FBXO7: variants seen among roughly 807,000 people sequenced by gnomAD.
The protein encoded by FBXO7 is F-box protein 7, also known as F-box only protein 7.
A neutral mutation model predicts 50.2 loss-of-function variants in FBXO7; 31 were observed. That is an observed-to-expected ratio of 0.62 (90% CI 0.46 to 0.83). FBXO7 has a LOEUF of 0.83. Among genes scored for constraint, FBXO7 ranks in the 40% least tolerant of loss-of-function variants. FBXO7 has a pLI of 0.00. For missense variants in FBXO7, 667 were observed against 646.6 expected (o/e 1.03, Z -0.34); for synonymous variants, 256 against 253.1 (o/e 1.01, Z -0.11).
chr22:32,498,816 A>C lies in FBXO7; in HGVS notation c.*286A>C. ...TGATGCTGTTCTTACCAGATTAAAA[A>C]AAAGTGTAAATTACATGGTGGTCTT... On this transcript the variant is annotated 3_prime_UTR_variant, in exon 9 of 9. Coordinates refer to ENST00000266087, the MANE Select transcript of FBXO7 (RefSeq NM_012179.4). 1 of 453,318 alleles carries C rather than the reference A, an allele frequency of 2.2e-6. No individual in the cohort carries two copies. 28.1% of individuals were successfully genotyped at this position (453,318 alleles called of 1,614,324 possible).
intron 5 of FBXO7, 161 bp from the exon 6 acceptor site, chr22:32,490,925 A>C: frequency 1.7e-6 from 1 of 591,882 alleles, no homozygotes; most frequent in Non-Finnish European, 3.0e-6. Context: ...AGTTTCATCA[A>C]GTCTTGCACT....
At chr22:32,475,254 C>G (rs993100587) in intron 1 of FBXO7, 130 bp downstream of exon 1, 38 of 1,547,786 alleles carry the variant, frequency 2.5e-5, no homozygotes, top group Middle Eastern at 2.3e-4. Context: ...TGCGGGGACG[C>G]CGGGGGGGCC....
chr22:32,495,659 G>T, intron 8 of FBXO7, 129 bp downstream of exon 8: 1 of 452,534 alleles, frequency 2.2e-6, no homozygotes, highest in South Asian at 5.9e-5. Context: ...CTAAATTTCA[G>T]TAAATGAAAA....
intron 8 of FBXO7, 127 bp from the exon 9 acceptor site, chr22:32,498,017 T>TA: frequency 9.4e-7 from 1 of 1,067,206 alleles, no homozygotes; most frequent in Non-Finnish European, 1.4e-6. Flanking sequence ...TGCATTGGTT[T>TA]GGGACTAAAT....
chr22:32,484,184 T>G (rs781083417), intron 3 of FBXO7, 60 bp downstream of exon 3: 1 of 1,448,752 alleles, frequency 6.9e-7, no homozygotes, highest in Non-Finnish European at 9.7e-7. Context: ...GGATGGTTCC[T>G]GCTCTCAAGT....
intron 2 of FBXO7, among the ~76,000 whole-genome samples, chr22:32,482,257 T>C (rs5754110): frequency 0.33 from 49,873 of 152,060 alleles, 8,672 homozygotes; most frequent in East Asian, 0.61. Flanking sequence ...TCATTGGCCT[T>C]TAGGTTTTAA....
chr22:32,481,153 T>C (rs1375106861), intron 2 of FBXO7, among the ~76,000 whole-genome samples: 6 of 152,148 alleles, frequency 3.9e-5, no homozygotes, highest in Non-Finnish European at 8.8e-5. Flanking sequence ...TATAGACATA[T>C]TAAAAAATAC....
Position 32,474,839 on chromosome 22 carries a change from C to A in FBXO7, c.-164C>A. ...CTATTCCAGAGACCGAGTGGCAGGG[C>A]GGCCACTGTGGCGGGGCTCTTTCCC... On this transcript the variant is annotated 5_prime_UTR_variant, in exon 1 of 9. Coordinates refer to ENST00000266087, the MANE Select transcript of FBXO7 (RefSeq NM_012179.4). 1 of 672,444 alleles carries A rather than the reference C, an allele frequency of 1.5e-6. No homozygotes were observed. The highest frequency in any genetic ancestry group is 2.4e-6 in the Non-Finnish European group (1 of 416,428). 41.7% of individuals were successfully genotyped at this position (672,444 alleles called of 1,614,324 possible). A position where few individuals can be genotyped will look rare whatever the true frequency, so the allele number is the denominator to read the frequency against.
chr22:32,486,035 C>T (rs2057496368), intron 4 of FBXO7, among the ~76,000 whole-genome samples: 1 of 152,018 alleles, frequency 6.6e-6, no homozygotes, highest in African/African-American at 2.4e-5. Flanking sequence ...TCATCTTTTT[C>T]GTTTAGCAAA....
intron 1 of FBXO7, chr22:32,475,434 C>G (rs2057421444): frequency 6.2e-7 from 1 of 1,607,848 alleles, no homozygotes; most frequent in African/African-American, 1.3e-5. Flanking sequence ...GTAAACGGAA[C>G]CAGGGAGAGG....
At position 32,485,151 on chromosome 22, in the gene FBXO7, C is replaced by T. The variant is rs750785708; in HGVS notation, c.729C>T (p.Cys243=). 3.0e-5 allele frequency: 48 copies of T among 1,614,040 alleles called. No individual in the cohort carries two copies. Among genetic ancestry groups the T allele is most frequent in the African/African-American group, 4.0e-5 (3 of 74,926 alleles). The change falls in exon 4 of 9, where the codon TGC becomes TGT. Residue 243 remains cysteine (C), a synonymous_variant. Transcript: ENST00000266087. The part of the protein sequence containing the change: ...VYKLQYMHPL[C]EGSSATLTCV... ...AGCTGCAGTACATGCATCCTCTCTG[C>T]GAGGGCAGCTCCGCTACTCTCACCT...
intron 8 of FBXO7, among the ~76,000 whole-genome samples, chr22:32,496,936 T>C (rs765779408): frequency 3.9e-5 from 6 of 152,180 alleles, no homozygotes; most frequent in East Asian, 1.9e-4. Flanking sequence ...ATGGGGGAGA[T>C]AAAAATATCA....
At chr22:32,483,067 T>G (rs1280202514) in intron 2 of FBXO7, among the ~76,000 whole-genome samples, 1 of 152,216 alleles carries the variant, frequency 6.6e-6, no homozygotes, top group Non-Finnish European at 1.5e-5. Flanking sequence ...GCTAAGGGAT[T>G]TAGAAGTTTG....
Position 32,498,427 on chromosome 22 carries a change from C to G in FBXO7, c.1466C>G (p.Pro489Arg). The change falls in exon 9 of 9, where the codon CCA (proline) becomes CGA (arginine). Residue 489 changes from proline (P) to arginine (R), a missense_variant. By Grantham distance (103) the Pro-to-Arg change is moderately radical. Transcript: ENST00000266087. ...RPRFDPVGPL[P>R]GPNPILPGRG... ...CGCTTTGATCCAGTTGGCCCACTTC[C>G]AGGACCTAACCCCATCTTGCCAGGG... is the stretch of plus-strand genomic sequence containing the variant. 6.2e-7 allele frequency: 1 copy of G among 1,614,216 alleles called. No homozygotes were observed. The highest frequency in any genetic ancestry group is 8.5e-7 in the Non-Finnish European group (1 of 1,180,032).
chr22:32,485,276 A>G, intron 4 of FBXO7, 67 bp downstream of exon 4: 1 of 1,596,532 alleles, frequency 6.3e-7, no homozygotes, highest in Non-Finnish European at 8.6e-7. Context: ...CAAATGTTTT[A>G]TAGCCACTTC....
rs1430861113 is a variant in FBXO7, at chr22:32,493,228, C to G, written c.1091C>G (p.Thr364Ser). Residue 364 changes from threonine (T) to serine (S), a missense_variant, in exon 7 of 9, where the codon ACT (threonine) becomes AGT (serine). Transcript: ENST00000266087. ...SLSAVCRDLFTASNDPLLWRF... is the reference protein window; with the variant it reads ...SLSAVCRDLFSASNDPLLWRF... ...TCTGCGGTTTGTCGTGACCTCTTTA[C>G]TGCTTCAAATGACCCACTCCTGTGG... The G allele has an allele frequency of 2.5e-6, 4 of 1,614,026 alleles. No individual in the cohort carries two copies. The highest frequency in any genetic ancestry group is 3.4e-6 in the Non-Finnish European group (4 of 1,179,990).
At chr22:32,495,611 C>T in intron 8 of FBXO7, 81 bp downstream of exon 8, 2 of 688,650 alleles carry the variant, frequency 2.9e-6, no homozygotes, top group Non-Finnish European at 4.7e-6. Context: ...TATATTTTCA[C>T]TTTTATATGA....
chr22:32,479,401 CT>C lies in FBXO7; in HGVS notation c.417+141del, dbSNP rs5845002. The C allele has an allele frequency of 0.36, 206,000 of 566,958 alleles. 11,770 individuals carry two copies. The highest frequency in any genetic ancestry group is 0.5 in the East Asian group (13,242 of 26,326). The allele number at this position is 566,958 out of a possible 1,614,324, so 35.1% of individuals were successfully genotyped here. Reference sequence around the variant, plus strand: ...TTGCACATTTTATATATATTTTTTTCTTTTTTTTTTTTTTTGAGACAGAGTC... The same window carrying C: ...TTGCACATTTTATATATATTTTTTTCTTTTTTTTTTTTTTGAGACAGAGTC... On this transcript the variant is annotated intron_variant, in intron 2 of 8. Transcript: ENST00000266087.
intron 3 of FBXO7, among the ~76,000 whole-genome samples, chr22:32,484,596 G>A (rs1350806698): frequency 6.6e-6 from 1 of 152,064 alleles, no homozygotes; most frequent in East Asian, 1.9e-4. Flanking sequence ...AGAGGAGAGA[G>A]ATGAATAAAA....
Sources: allele counts gnomAD v4.1 joint callset (sites outside exome capture counted in the v4.1 genomes callset), GRCh38; gene constraint gnomAD v4.1.1; transcripts MANE v1.5; gene names NCBI Gene and HGNC (gene_info 2026-07-23, HGNC 2026-07-21).